The following MCC variants were observed in gnomAD, a reference collection of about 807,000 sequenced individuals.
The protein encoded by MCC is MCC regulator of Wnt signaling pathway.
In MCC, 90 loss-of-function variants were observed where a neutral mutation model predicts 116.2. The observed-to-expected ratio is 0.77, with a 90% CI of 0.65 to 0.92. MCC has a LOEUF of 0.92. MCC is among the 40% of genes least tolerant of loss of function. The pLI, the probability that MCC is intolerant of heterozygous loss-of-function variation, is 0.00. For missense variants in MCC, 1,516 were observed against 1,312.2 expected (o/e 1.16, Z -2.40); for synonymous variants, 578 against 510.5 (o/e 1.13, Z -1.78).
chr5:113,270,851 G>C (rs1242518276), intron 3 of MCC, among the ~76,000 whole-genome samples: 1 of 151,652 alleles, frequency 6.6e-6, no homozygotes, highest in South Asian at 2.1e-4. Flanking sequence ...CTGGTGCTAA[G>C]AAAAGCCTTT....
chr5:113,387,132 C>A (rs1050438362), intron 1 of MCC, among the ~76,000 whole-genome samples: 2 of 152,102 alleles, frequency 1.3e-5, no homozygotes, highest in Non-Finnish European at 2.9e-5. Context: ...TAGCCATTAT[C>A]CCTGTATCTA....
At chr5:113,029,556 T>C (rs1750816155) in intron 17 of MCC, among the ~76,000 whole-genome samples, 1 of 152,128 alleles carries the variant, frequency 6.6e-6, no homozygotes, top group Non-Finnish European at 1.5e-5. Context: ...GGAGTAGATA[T>C]GATACTCTCT....
intron 11 of MCC, among the ~76,000 whole-genome samples, chr5:113,077,168 A>T (rs955369038): frequency 3.0e-4 from 46 of 152,192 alleles, no homozygotes; most frequent in African/African-American, 1.0e-3. Context: ...AAGTCCTTAG[A>T]GACCTACAAA....
At chr5:113,477,433 C>A (rs1164853343) in intron 1 of MCC, among the ~76,000 whole-genome samples, 2 of 152,112 alleles carry the variant, frequency 1.3e-5, no homozygotes, top group East Asian at 3.8e-4. Flanking sequence ...AGCTAGAAAT[C>A]CAAATACATG....
At chr5:113,420,850 G>A (rs917817291) in intron 1 of MCC, among the ~76,000 whole-genome samples, 3 of 151,958 alleles carry the variant, frequency 2.0e-5, no homozygotes, top group African/African-American at 7.3e-5. Flanking sequence ...TGCCTTTCCG[G>A]GGATATATCA....
chr5:113,057,353 G>A lies in MCC; in HGVS notation c.2214-3394C>T, dbSNP rs147528227. Among the ~76,000 whole-genome samples the A allele has an allele frequency of 3.8e-4, 58 of 152,256 alleles. No homozygotes were observed. In the East Asian group the frequency reaches 0.01, roughly 27 times the overall value. Reference sequence around the variant, plus strand: ...ATGAGTAGAGATGCAGGGAGGCCAGGGCAGAGGCAGGGGTGCACCTTGGGA... The same window carrying A: ...ATGAGTAGAGATGCAGGGAGGCCAGAGCAGAGGCAGGGGTGCACCTTGGGA... On this transcript the variant is annotated intron_variant, in intron 14 of 18. Transcript: ENST00000408903.
At chr5:113,124,417 G>A (rs1056609520) in intron 5 of MCC, among the ~76,000 whole-genome samples, 3 of 152,158 alleles carry the variant, frequency 2.0e-5, no homozygotes, top group African/African-American at 4.8e-5. Flanking sequence ...TACCTTTGTT[G>A]CATGGCCAAC....
intron 6 of MCC, among the ~76,000 whole-genome samples, chr5:113,107,768 G>A (rs1162705057): frequency 1.3e-5 from 2 of 152,198 alleles, no homozygotes; most frequent in Non-Finnish European, 2.9e-5. Flanking sequence ...TCCACCTGAT[G>A]CAATAATGAC....
At chr5:113,108,640 G>A (rs564717660) in intron 6 of MCC, among the ~76,000 whole-genome samples, 22 of 127,034 alleles carry the variant, frequency 1.7e-4, no homozygotes, top group African/African-American at 5.5e-4. Flanking sequence ...GCAAGAGAGC[G>A]AGACTCCATT....
chr5:113,481,792 A>G (rs1381550264), intron 1 of MCC, among the ~76,000 whole-genome samples: 2 of 152,188 alleles, frequency 1.3e-5, no homozygotes, highest in Non-Finnish European at 2.9e-5. Context: ...GTTGAGTTAT[A>G]TAATTCATAT....
At chr5:113,412,058 G>A (rs1286453783) in intron 1 of MCC, among the ~76,000 whole-genome samples, 1 of 152,114 alleles carries the variant, frequency 6.6e-6, no homozygotes, top group African/African-American at 2.4e-5. Context: ...TTTTTGTCAG[G>A]TTTATCAAAG....
At chr5:113,231,638 T>C (rs369309715) in intron 3 of MCC, among the ~76,000 whole-genome samples, 45 of 152,290 alleles carry the variant, frequency 3.0e-4, no homozygotes, top group African/African-American at 9.4e-4. Context: ...TGGAATTTCC[T>C]CCTAGGAAGA....
At chr5:113,193,508 C>G (rs1762244523) in intron 3 of MCC, among the ~76,000 whole-genome samples, 1 of 152,164 alleles carries the variant, frequency 6.6e-6, no homozygotes, top group Non-Finnish European at 1.5e-5. Flanking sequence ...ATCCTCTTAT[C>G]TACACTTTTG....
At chr5:113,368,373 A>T (rs1015298528) in intron 2 of MCC, among the ~76,000 whole-genome samples, 38 of 152,198 alleles carry the variant, frequency 2.5e-4, no homozygotes, top group Non-Finnish European at 1.0e-4. Flanking sequence ...CTTCTCTTTG[A>T]AGGAAAATTT....
intron 3 of MCC, among the ~76,000 whole-genome samples, chr5:113,172,893 T>C (rs550191702): frequency 1.2e-4 from 18 of 152,184 alleles, no homozygotes; most frequent in African/African-American, 3.9e-4. Flanking sequence ...TTTTGCCAAT[T>C]TGATTCCAAA....
intron 16 of MCC, chr5:113,048,650 G>C (rs1334987154): frequency 8.6e-6 from 2 of 233,800 alleles, no homozygotes; most frequent in Non-Finnish European, 1.6e-5. Context: ...TGTATGTATA[G>C]GGGAAAACGT....
intron 1 of MCC, among the ~76,000 whole-genome samples, chr5:113,481,422 T>C (rs1772374669): frequency 6.6e-6 from 1 of 152,098 alleles, no homozygotes; most frequent in Non-Finnish European, 1.5e-5. Flanking sequence ...ATTAATTAAA[T>C]AAATAATGAG....
intron 3 of MCC, among the ~76,000 whole-genome samples, chr5:113,172,285 C>G (rs1012285069): frequency 8.5e-5 from 13 of 152,182 alleles, no homozygotes; most frequent in African/African-American, 3.1e-4. Context: ...GGGTCTCAGG[C>G]ATCAAACTCT....
intron 1 of MCC, among the ~76,000 whole-genome samples, chr5:113,409,394 C>T (rs1358695071): frequency 6.6e-6 from 1 of 151,974 alleles, no homozygotes; most frequent in Non-Finnish European, 1.5e-5. Context: ...CTCTGTTGTC[C>T]AGCCTGGAGT....
Sources: allele counts gnomAD v4.1 joint callset (sites outside exome capture counted in the v4.1 genomes callset), GRCh38; gene constraint gnomAD v4.1.1; transcripts MANE v1.5; gene names NCBI Gene and HGNC (gene_info 2026-07-23, HGNC 2026-07-21).